Variants in NEK11 observed in about 807,000 individuals in gnomAD.
The protein encoded by NEK11 is NIMA related kinase 11, also known as serine/threonine-protein kinase Nek11.
Under a neutral mutation model 80.7 loss-of-function variants are expected in NEK11, and 72 were observed. That is an observed-to-expected ratio of 0.89 (90% CI 0.74 to 1.08). The LOEUF (loss-of-function observed/expected upper bound fraction) is 1.08. Ranked by LOEUF, NEK11 falls within the 50% of genes least tolerant of loss-of-function variation. NEK11 has a pLI of 0.00. For missense variants in NEK11, 764 were observed against 763.6 expected (o/e 1.00, Z -0.01); for synonymous variants, 251 against 260.7 (o/e 0.96, Z 0.36).
At chr3:131,239,294 G>T (rs566308783) in intron 15 of NEK11, among the ~76,000 whole-genome samples, 1 of 152,252 alleles carries the variant, frequency 6.6e-6, no homozygotes, top group South Asian at 2.1e-4. Context: ...GACTGAGGAC[G>T]TGCCTGGGGT....
At chr3:131,196,688 A>G (rs2094023635) in intron 14 of NEK11, among the ~76,000 whole-genome samples, 1 of 151,950 alleles carries the variant, frequency 6.6e-6, no homozygotes, top group Non-Finnish European at 1.5e-5. Flanking sequence ...TGGTGCCACC[A>G]CGCTGGGCTA....
At chr3:131,094,885 T>A (rs1043086000) in intron 4 of NEK11, among the ~76,000 whole-genome samples, 8 of 152,198 alleles carry the variant, frequency 5.3e-5, no homozygotes, top group Admixed American at 3.9e-4. Context: ...CAGTATTTTT[T>A]AAAATAATTG....
At chr3:131,280,738 G>C (rs751066050) in intron 17 of NEK11, among the ~76,000 whole-genome samples, 5 of 152,328 alleles carry the variant, frequency 3.3e-5, no homozygotes, top group Admixed American at 6.5e-5. Context: ...CTGTGTGGGT[G>C]TTGGATAATT....
chr3:131,121,967 A>T (rs145380753), intron 5 of NEK11, among the ~76,000 whole-genome samples: 2,248 of 152,228 alleles, frequency 0.015, 61 homozygotes, highest in African/African-American at 0.051. Context: ...GCTTCAGCTC[A>T]CGCTCTGTGG....
At chr3:131,319,033 A>C (rs1395224419) in intron 17 of NEK11, among the ~76,000 whole-genome samples, 2 of 151,850 alleles carry the variant, frequency 1.3e-5, no homozygotes, top group African/African-American at 2.4e-5. Flanking sequence ...CAGTTTTATA[A>C]CTCATATATA....
chr3:131,109,790 CTCT>C lies in NEK11; in HGVS notation c.337-10_337-8del. On this transcript the variant is annotated splice_polypyrimidine_tract_variant and intron_variant, in intron 4 of 17. Coordinates refer to ENST00000383366, the MANE Select transcript of NEK11 (RefSeq NM_024800.5). ...AGCTGAAAAAATATGAAAGATTATGCTCTTCATTTCAGGGCCGAGATCTGGACG... is the reference window on the plus strand; with the variant it reads ...AGCTGAAAAAATATGAAAGATTATGCTCATTTCAGGGCCGAGATCTGGACG... The C allele has an allele frequency of 6.4e-7, 1 of 1,573,384 alleles. No individual in the cohort carries two copies. The highest frequency in any genetic ancestry group is 8.6e-7 in the Non-Finnish European group (1 of 1,167,062).
Position 131,169,935 on chromosome 3 carries a change from T to A in NEK11, c.1285-838T>A, listed in dbSNP as rs962462388. ...TGATCCTTTGAAATCTGGAACCAAT[T>A]TCGCCTCCTGAAACAATTATTATGC... On this transcript the variant is annotated intron_variant, in intron 13 of 17. Coordinates refer to ENST00000383366, the MANE Select transcript of NEK11 (RefSeq NM_024800.5). 5.6e-4 allele frequency among the ~76,000 whole-genome samples: 85 copies of A among 152,200 alleles called. 1 individual carries two copies. Among genetic ancestry groups the A allele is most frequent in the Admixed American group, 5.6e-3 (85 of 15,282 alleles).
In NEK11 at chr3:131,063,340, C is replaced by T. The variant is rs572643192; in HGVS notation, c.171-17083C>T. Among the ~76,000 whole-genome samples the T allele has an allele frequency of 1.6e-4, 24 of 152,284 alleles. No homozygotes were observed. The South Asian group carries it at 2.1e-3, about 13-fold the overall frequency. Reference sequence around the variant, plus strand: ...GCATCTAGCCTGAATGGAGCTTTTACGTCATCTAACCCAAGCCCCTTACTC... The same window carrying T: ...GCATCTAGCCTGAATGGAGCTTTTATGTCATCTAACCCAAGCCCCTTACTC... On this transcript the variant is annotated intron_variant, in intron 3 of 17. Coordinates refer to ENST00000383366, the MANE Select transcript of NEK11 (RefSeq NM_024800.5).
intron 3 of NEK11, among the ~76,000 whole-genome samples, chr3:131,057,539 T>A (rs1240830650): frequency 6.6e-6 from 1 of 151,944 alleles, no homozygotes; most frequent in Non-Finnish European, 1.5e-5. Flanking sequence ...CCACATCCTC[T>A]CCAGCACCTG....
chr3:131,201,743 G>C (rs1006479288), intron 14 of NEK11, among the ~76,000 whole-genome samples: 2 of 151,664 alleles, frequency 1.3e-5, no homozygotes, highest in Non-Finnish European at 2.9e-5. Flanking sequence ...TTTCTTTCTG[G>C]CAGGCATCCT....
At chr3:131,295,584 T>C (rs1162482351) in intron 17 of NEK11, among the ~76,000 whole-genome samples, 1 of 152,220 alleles carries the variant, frequency 6.6e-6, no homozygotes, top group Non-Finnish European at 1.5e-5. Context: ...AAGGCCAATT[T>C]GGTTCTAAAA....
chr3:131,332,477 C>G (rs1390119987), intron 17 of NEK11, among the ~76,000 whole-genome samples: 2 of 152,132 alleles, frequency 1.3e-5, no homozygotes, highest in Non-Finnish European at 2.9e-5. Context: ...ACATCACCAT[C>G]ATCAAAGACC....
At chr3:131,119,668 T>C (rs2082018757) in intron 5 of NEK11, among the ~76,000 whole-genome samples, 2 of 152,344 alleles carry the variant, frequency 1.3e-5, no homozygotes, top group South Asian at 2.1e-4. Context: ...ATTGGGTGTA[T>C]ATATATTTAG....
chr3:131,124,154 T>C (rs962690242), intron 5 of NEK11, among the ~76,000 whole-genome samples: 2 of 152,140 alleles, frequency 1.3e-5, no homozygotes, highest in African/African-American at 4.8e-5. Context: ...CACTCCCCCC[T>C]TTTTTTGTCT....
intron 17 of NEK11, among the ~76,000 whole-genome samples, chr3:131,317,637 G>C (rs555606237): frequency 3.6e-4 from 55 of 151,684 alleles, no homozygotes; most frequent in African/African-American, 1.3e-3. Context: ...GCTCGTGCTT[G>C]TAATCCTAGC....
At chr3:131,203,056 T>C (rs1661220685) in intron 14 of NEK11, among the ~76,000 whole-genome samples, 1 of 152,204 alleles carries the variant, frequency 6.6e-6, no homozygotes, top group Non-Finnish European at 1.5e-5. Flanking sequence ...AAATACCATT[T>C]GACCCCGTGA....
intron 7 of NEK11, among the ~76,000 whole-genome samples, chr3:131,151,032 C>G (rs2149796590): frequency 6.6e-6 from 1 of 152,134 alleles, no homozygotes; most frequent in Non-Finnish European, 1.5e-5. Flanking sequence ...TAATTTTCAT[C>G]ATTTTTAATA....
At chr3:131,050,765 A>T (rs548250680) in intron 3 of NEK11, among the ~76,000 whole-genome samples, 26 of 152,354 alleles carry the variant, frequency 1.7e-4, no homozygotes, top group African/African-American at 6.0e-4. Context: ...ATGGTGGCTC[A>T]TGCCTGTAAT....
At chr3:131,232,928 A>T (rs528957067) in intron 15 of NEK11, among the ~76,000 whole-genome samples, 18 of 152,066 alleles carry the variant, frequency 1.2e-4, no homozygotes, top group African/African-American at 4.3e-4. Context: ...TAAAAAGGAA[A>T]TTCCTATCAA....
Sources: allele counts gnomAD v4.1 joint callset (sites outside exome capture counted in the v4.1 genomes callset), GRCh38; gene constraint gnomAD v4.1.1; transcripts MANE v1.5; gene names NCBI Gene and HGNC (gene_info 2026-07-23, HGNC 2026-07-21).